The following SLC1A2 variants were observed in gnomAD, a reference collection of about 807,000 sequenced individuals.
SLC1A2 encodes solute carrier family 1 member 2.
A neutral mutation model predicts 48.8 loss-of-function variants in SLC1A2; 15 were observed. The observed-to-expected ratio is 0.31, with a 90% CI of 0.21 to 0.47. The LOEUF is 0.47. SLC1A2 is among the 20% of genes least tolerant of loss of function. SLC1A2 has a pLI of 0.99. For missense variants in SLC1A2, 502 were observed against 730.5 expected, an observed-to-expected ratio of 0.69 and a Z score of 3.61; for synonymous variants, 279 against 272.6, an observed-to-expected ratio of 1.02 and a Z score of -0.23.
intron 1 of SLC1A2, among the ~76,000 whole-genome samples, chr11:35,407,978 T>A (rs1351804421): frequency 6.6e-6 from 1 of 152,198 alleles, no homozygotes; most frequent in Non-Finnish European, 1.5e-5. Flanking sequence ...CCAGTGAACA[T>A]CTCTACTGAT....
intron 1 of SLC1A2, among the ~76,000 whole-genome samples, chr11:35,366,727 A>C (rs10836381): frequency 6.6e-6 from 1 of 152,004 alleles, no homozygotes; most frequent in African/African-American, 2.4e-5. Context: ...AACCAACACA[A>C]AACAGAAGTA....
At chr11:35,419,938 C>T (rs1356002843), upstream of SLC1A2, 3 of 469,568 alleles carry the variant, frequency 6.4e-6, no homozygotes, top group East Asian at 2.1e-4. This position sits in a 1 kb window ranked among gnomAD's most constrained non-coding sequence, Gnocchi z 5.4. Context: ...ACACCCACCC[C>T]ATCCTCCCAC....
At position 35,252,222 on chromosome 11, in the gene SLC1A2, C is replaced by G. The variant is rs1223590808; in HGVS notation, c.*8672G>C. On this transcript the variant is annotated 3_prime_UTR_variant, in exon 11 of 11. Transcript: ENST00000278379. ...TAGTCAGCAATGTTTTTTCCTGTACCCTGACTCAAAAATCCAAGGGAGACA... is the reference window on the plus strand; with the variant it reads ...TAGTCAGCAATGTTTTTTCCTGTACGCTGACTCAAAAATCCAAGGGAGACA... The G allele has an allele frequency of 6.6e-6, 1 of 152,478 alleles. No homozygotes were observed. The highest frequency in any genetic ancestry group is 1.5e-5 in the Non-Finnish European group (1 of 68,016). The allele number at this position is 152,478 out of a possible 1,614,324, so 9.4% of individuals were successfully genotyped here. A position where few individuals can be genotyped will look rare whatever the true frequency, so the allele number is the denominator to read the frequency against.
Position 35,284,089 on chromosome 11 carries a change from A to T in SLC1A2, c.1286+2668T>A, listed in dbSNP as rs11824585. Reference sequence around the variant, plus strand: ...ATAGGGTGGTTGTGAAGATTTTATTATATATATATATATATATATATAAAT... The same window carrying T: ...ATAGGGTGGTTGTGAAGATTTTATTTTATATATATATATATATATATAAAT... On this transcript the variant is annotated intron_variant, in intron 8 of 10. Transcript: ENST00000278379. Among the ~76,000 whole-genome samples the T allele has an allele frequency of 9.8e-3, 1,236 of 126,244 alleles. 26 individuals carry two copies. The highest frequency in any genetic ancestry group is 0.038 in the African/African-American group (1,171 of 30,512). 82.8% of individuals were successfully genotyped at this position (126,244 alleles called of 152,430 possible).
intron 9 of SLC1A2, 58 bp downstream of exon 9, chr11:35,280,809 T>A (rs1348537275): frequency 8.0e-7 from 1 of 1,253,512 alleles, no homozygotes; most frequent in Non-Finnish European, 1.1e-6. Context: ...TTGCCACCTG[T>A]GCATCCCTAG....
intron 10 of SLC1A2, among the ~76,000 whole-genome samples, chr11:35,264,612 A>G (rs1179522143): frequency 6.6e-6 from 1 of 152,276 alleles, no homozygotes; most frequent in Non-Finnish European, 1.5e-5. Context: ...AGGAGAGCCC[A>G]GAACATCCAT....
intron 9 of SLC1A2, among the ~76,000 whole-genome samples, chr11:35,275,190 G>A (rs2134657995): frequency 6.6e-6 from 1 of 152,314 alleles, no homozygotes; most frequent in African/African-American, 2.4e-5. Flanking sequence ...CCTCCTGGAG[G>A]GTGGAGGCTC....
chr11:35,369,305 G>A (rs974423037), intron 1 of SLC1A2, among the ~76,000 whole-genome samples: 2 of 152,144 alleles, frequency 1.3e-5, no homozygotes, highest in African/African-American at 4.8e-5. Context: ...GTGAGAGATT[G>A]AACACTTTCA....
chr11:35,376,101 T>G (rs1448163267), intron 1 of SLC1A2, among the ~76,000 whole-genome samples: 2 of 152,108 alleles, frequency 1.3e-5, no homozygotes, highest in East Asian at 3.8e-4. Context: ...ACTGGATCCT[T>G]GGCCTAAACA....
At chr11:35,361,985 T>C (rs1853695965) in intron 1 of SLC1A2, among the ~76,000 whole-genome samples, 1 of 152,244 alleles carries the variant, frequency 6.6e-6, no homozygotes, top group East Asian at 1.9e-4. Flanking sequence ...GTCTCAAAAA[T>C]AAATAAATAA....
chr11:35,280,890 C>A lies in SLC1A2; in HGVS notation c.1398G>T (p.Leu466=). The A allele has an allele frequency of 1.9e-6, 3 of 1,611,434 alleles. No homozygotes were observed. Among genetic ancestry groups the A allele is most frequent in the Non-Finnish European group, 2.5e-6 (3 of 1,178,722 alleles). The change falls in exon 9 of 11, where the codon CTG becomes CTT. Residue 466 remains leucine (L), a synonymous_variant. Coordinates refer to ENST00000278379, the MANE Select transcript of SLC1A2 (RefSeq NM_004171.4). ...ACAGCAGCCAGTCCACAGCCACCAG[C>A]AGGCTGATGTCCTCTGTTGGCAGGC... ...AVGLPTEDIS[L]LVAVDWLLDR...
intron 1 of SLC1A2, among the ~76,000 whole-genome samples, chr11:35,349,747 G>A (rs2135076150): frequency 6.6e-6 from 1 of 152,320 alleles, no homozygotes; most frequent in Non-Finnish European, 1.5e-5. Context: ...TTCCCAGTAT[G>A]TCTCCAGGGT....
intron 1 of SLC1A2, among the ~76,000 whole-genome samples, chr11:35,354,649 G>A (rs572401883): frequency 1.3e-5 from 2 of 151,870 alleles, no homozygotes; most frequent in Non-Finnish European, 2.9e-5. Context: ...GAATTATTTT[G>A]ACCCAAATGC....
chr11:35,372,469 A>T (rs1015362362), intron 1 of SLC1A2, among the ~76,000 whole-genome samples: 5 of 152,226 alleles, frequency 3.3e-5, no homozygotes, highest in African/African-American at 9.6e-5. Context: ...TACACACTCC[A>T]TACAATTTAT....
rs544520195 is a variant in SLC1A2, at chr11:35,312,109, C to T, written c.561+89G>A. ...TAATTATATATTTAGAAAATTTCTA[C>T]CCAGAGTTGGTCTGTTAAAATACTC... On this transcript the variant is annotated intron_variant, in intron 4 of 10. Transcript: ENST00000278379. 7 of 1,335,132 alleles carry T rather than the reference C, an allele frequency of 5.2e-6. 1 individual carries two copies. In the South Asian group the frequency reaches 9.3e-5, roughly 18 times the overall value. The allele number at this position is 1,335,132 out of a possible 1,614,324, so 82.7% of individuals were successfully genotyped here.
intron 1 of SLC1A2, chr11:35,399,558 G>A (rs897111041): frequency 9.3e-6 from 9 of 969,300 alleles, no homozygotes; most frequent in Middle Eastern, 5.3e-4. Flanking sequence ...AGATAGTTAC[G>A]AACATGAGAA....
At chr11:35,355,937 T>A (rs1194829442) in intron 1 of SLC1A2, among the ~76,000 whole-genome samples, 1 of 151,794 alleles carries the variant, frequency 6.6e-6, no homozygotes, top group Admixed American at 6.6e-5. Flanking sequence ...TTGAACAAGT[T>A]AGGTAACTCT....
chr11:35,263,424 C>T (rs1020566949), intron 10 of SLC1A2, among the ~76,000 whole-genome samples: 8 of 152,012 alleles, frequency 5.3e-5, no homozygotes, highest in Non-Finnish European at 1.0e-4. Context: ...GCCGAGAGCA[C>T]GCCATTGCAC....
intron 1 of SLC1A2, among the ~76,000 whole-genome samples, chr11:35,336,049 A>C (rs936816668): frequency 6.6e-6 from 1 of 152,152 alleles, no homozygotes; most frequent in Non-Finnish European, 1.5e-5. Context: ...CATTATCCTC[A>C]TCAAACTAAT....
Sources: allele counts gnomAD v4.1 joint callset (sites outside exome capture counted in the v4.1 genomes callset), GRCh38; gene constraint gnomAD v4.1.1; non-coding constraint Gnocchi (gnomAD v3.1); transcripts MANE v1.5; gene names NCBI Gene and HGNC (gene_info 2026-07-23, HGNC 2026-07-21).